The following ACMSD variants were observed in gnomAD, a reference collection of about 807,000 sequenced individuals.
ACMSD encodes the protein aminocarboxymuconate semialdehyde decarboxylase, also known as 2-amino-3-carboxymuconate-6-semialdehyde decarboxylase.
Under a neutral mutation model 45.9 loss-of-function variants are expected in ACMSD, and 37 were observed. The ratio of observed to expected loss-of-function variants is 0.81; its 90% confidence interval spans 0.62 to 1.06. The LOEUF is 1.06. Ranked by LOEUF, ACMSD falls within the 50% of genes least tolerant of loss-of-function variation. The pLI is 0.00. For missense variants in ACMSD, 434 were observed against 420.9 expected (o/e 1.03, Z -0.27); for synonymous variants, 138 against 148.8 (o/e 0.93, Z 0.53).
At chr2:134,883,697 G>T (rs1689169917) in intron 8 of ACMSD, among the ~76,000 whole-genome samples, 1 of 152,014 alleles carries the variant, frequency 6.6e-6, no homozygotes, top group South Asian at 2.1e-4. Context: ...TCACCATGTT[G>T]CCCAGACTGG....
At chr2:134,842,450 CTG>C (rs1313500943) in intron 1 of ACMSD, among the ~76,000 whole-genome samples, 3 of 152,146 alleles carry the variant, frequency 2.0e-5, no homozygotes, top group Admixed American at 6.5e-5. Flanking sequence ...TGGAATAAGA[CTG>C]TCGCCACAAC....
chr2:134,848,370 G>A (rs1319192937), intron 2 of ACMSD, among the ~76,000 whole-genome samples: 1 of 152,162 alleles, frequency 6.6e-6, no homozygotes, highest in Non-Finnish European at 1.5e-5. Flanking sequence ...CTTCTACAAT[G>A]GTTGAACTAA....
chr2:134,876,794 T>C (rs1472753683), intron 8 of ACMSD, among the ~76,000 whole-genome samples: 1 of 152,188 alleles, frequency 6.6e-6, no homozygotes, highest in African/African-American at 2.4e-5. Context: ...CTATACTTTT[T>C]TTTCTTTAAG....
intron 9 of ACMSD, among the ~76,000 whole-genome samples, chr2:134,900,449 A>G (rs1219821847): frequency 1.3e-5 from 2 of 152,152 alleles, no homozygotes; most frequent in East Asian, 3.9e-4. Flanking sequence ...TTTACTTAAT[A>G]ATGGCCCCAA....
At chr2:134,874,691 A>C (rs1340170095) in intron 8 of ACMSD, among the ~76,000 whole-genome samples, 1 of 152,156 alleles carries the variant, frequency 6.6e-6, no homozygotes, top group Non-Finnish European at 1.5e-5. Context: ...ATGAAAGAAA[A>C]GGAAATAATC....
chr2:134,859,623 T>A, intron 3 of ACMSD: 1 of 303,164 alleles, frequency 3.3e-6, no homozygotes, highest in Non-Finnish European at 6.0e-6. Flanking sequence ...TTATTATTTT[T>A]AAAAATTAGT....
chr2:134,845,366 C>T (rs1003373073), intron 2 of ACMSD, 89 bp downstream of exon 2: 159 of 1,371,948 alleles, frequency 1.2e-4, no homozygotes, highest in Non-Finnish European at 1.5e-4. Context: ...CTCCAGGGAA[C>T]CCCACTCTTC....
chr2:134,881,891 T>C (rs545899893), intron 8 of ACMSD, among the ~76,000 whole-genome samples: 1 of 151,808 alleles, frequency 6.6e-6, no homozygotes, highest in African/African-American at 2.4e-5. Context: ...GCTGAGGTGG[T>C]TGGATCACTT....
intron 2 of ACMSD, among the ~76,000 whole-genome samples, chr2:134,852,800 G>A (rs1687403614): frequency 6.6e-6 from 1 of 152,132 alleles, no homozygotes; most frequent in African/African-American, 2.4e-5. Flanking sequence ...GTGGTCTGGA[G>A]GGATTGCTCG....
At chr2:134,885,315 A>T (rs1315431987) in intron 8 of ACMSD, among the ~76,000 whole-genome samples, 2 of 101,562 alleles carry the variant, frequency 2.0e-5, no homozygotes, top group East Asian at 3.9e-4. Context: ...AAATATATAT[A>T]TATAAATATA....
At chr2:134,886,246 A>ATTTTTTT (rs756206850) in intron 8 of ACMSD, among the ~76,000 whole-genome samples, 27 of 115,440 alleles carry the variant, frequency 2.3e-4, no homozygotes, top group Non-Finnish European at 3.2e-4. Context: ...TATTATTATT[A>ATTTTTTT]TTTTTTTTTT....
chr2:134,845,176 C>T, intron 1 of ACMSD, 57 bp from the exon 2 acceptor site: 1 of 1,601,960 alleles, frequency 6.2e-7, no homozygotes, highest in Non-Finnish European at 8.6e-7. Context: ...TAGCATGCCC[C>T]TTGATTGCAG....
chr2:134,843,307 G>A (rs1218812997), intron 1 of ACMSD, among the ~76,000 whole-genome samples: 1 of 152,158 alleles, frequency 6.6e-6, no homozygotes, highest in Non-Finnish European at 1.5e-5. Context: ...TGCAAAACCG[G>A]TTCTGCTGAT....
At chr2:134,858,348 A>G (rs1023878047) in intron 2 of ACMSD, among the ~76,000 whole-genome samples, 2 of 152,182 alleles carry the variant, frequency 1.3e-5, no homozygotes, top group African/African-American at 4.8e-5. Flanking sequence ...ATCAAGAAAA[A>G]TGGTGGTTAC....
intron 8 of ACMSD, among the ~76,000 whole-genome samples, chr2:134,890,852 TA>T (rs920827566): frequency 2.0e-5 from 3 of 151,214 alleles, no homozygotes; most frequent in Admixed American, 6.6e-5. Context: ...TCTGCCAAAA[TA>T]AAAAAAAATT....
chr2:134,863,374 T>G, intron 4 of ACMSD, 21 bp from the exon 5 acceptor site: 1 of 1,608,752 alleles, frequency 6.2e-7, no homozygotes, highest in Non-Finnish European at 8.5e-7. Flanking sequence ...AATGCGGTTT[T>G]CCCTTTCCTG....
At chr2:134,842,108 C>T (rs1686831381) in intron 1 of ACMSD, among the ~76,000 whole-genome samples, 1 of 152,186 alleles carries the variant, frequency 6.6e-6, no homozygotes, top group Admixed American at 6.5e-5. Context: ...TTGGCATGCT[C>T]ATAAATGCTG....
intron 3 of ACMSD, 59 bp downstream of exon 3, chr2:134,859,416 A>C (rs1347368402): frequency 6.5e-7 from 1 of 1,533,294 alleles, no homozygotes; most frequent in Non-Finnish European, 9.0e-7. Flanking sequence ...TCTGCCCTTA[A>C]AGTTTGCTGA....
intron 8 of ACMSD, among the ~76,000 whole-genome samples, chr2:134,884,228 C>T (rs1227710652): frequency 6.6e-6 from 1 of 152,114 alleles, no homozygotes; most frequent in African/African-American, 2.4e-5. Context: ...TTGCCAAACT[C>T]TGAGTGTGAT....
Sources: gnomAD v4.1 joint callset for allele counts (sites outside exome capture counted in the v4.1 genomes callset) on GRCh38, gnomAD v4.1.1 for gene constraint, MANE v1.5 for transcripts, NCBI Gene and HGNC (gene_info 2026-07-23, HGNC 2026-07-21) for gene names.